CACNA1D: variants seen among roughly 807,000 people sequenced by gnomAD.
CACNA1D encodes the protein voltage-dependent L-type calcium channel subunit alpha-1D.
In CACNA1D, 55 loss-of-function variants were observed where a neutral mutation model predicts 257.1. That is an observed-to-expected ratio of 0.21 (90% CI 0.17 to 0.27). CACNA1D has a LOEUF of 0.27. Ranked by LOEUF, CACNA1D falls within the 10% of genes least tolerant of loss-of-function variation. The pLI is 1.00. For missense variants in CACNA1D, 1,876 were observed against 2,784.0 expected, an observed-to-expected ratio of 0.67 and a Z score of 7.34; for synonymous variants, 980 against 1,014.9, an observed-to-expected ratio of 0.97 and a Z score of 0.65.
chr3:53,765,067 T>C (rs993292941), intron 30 of CACNA1D, among the ~76,000 whole-genome samples: 2 of 152,220 alleles, frequency 1.3e-5, no homozygotes, highest in African/African-American at 4.8e-5. Flanking sequence ...ATTTATTCCA[T>C]CTTTCAACAC....
chr3:53,636,403 A>G (rs2093884612), intron 3 of CACNA1D, among the ~76,000 whole-genome samples: 1 of 152,184 alleles, frequency 6.6e-6, no homozygotes, highest in Admixed American at 6.5e-5. Context: ...TCCTGGGTTC[A>G]AACAATTCTC....
intron 9 of CACNA1D, chr3:53,710,454 C>T (rs965706092): frequency 6.6e-6 from 3 of 456,614 alleles, no homozygotes; most frequent in Admixed American, 2.3e-5. Context: ...TTGCTGCTTT[C>T]GGCAACGCAG....
chr3:53,749,057 G>T (rs958722305), intron 26 of CACNA1D: 2 of 693,350 alleles, frequency 2.9e-6, no homozygotes, highest in African/African-American at 3.5e-5. Context: ...GTCCCTCGAT[G>T]ATGATATCCT....
intron 3 of CACNA1D, among the ~76,000 whole-genome samples, chr3:53,560,527 C>T (rs1367880104): frequency 2.0e-5 from 3 of 152,102 alleles, no homozygotes; most frequent in Non-Finnish European, 2.9e-5. Flanking sequence ...CTTAAATTTT[C>T]CTTACTTTAA....
intron 7 of CACNA1D, among the ~76,000 whole-genome samples, chr3:53,667,823 GTGTGTGTGTGTGTATGCA>G (rs1240679211): frequency 6.1e-5 from 9 of 147,074 alleles, no homozygotes; most frequent in Non-Finnish European, 1.4e-4. Flanking sequence ...GAGTGTGAGT[GTGTGTGTGTGTGTATGCA>G]TGTGTGTGTG....
At chr3:53,809,917 A>G in intron 46 of CACNA1D, 61 bp from the exon 47 acceptor site, 1 of 1,514,028 alleles carries the variant, frequency 6.6e-7, no homozygotes, top group Non-Finnish European at 9.2e-7. Flanking sequence ...CTGTGCGCAG[A>G]AGGTTTGAGG....
At chr3:53,743,960 C>G (rs1342191801) in intron 22 of CACNA1D, among the ~76,000 whole-genome samples, 1 of 152,162 alleles carries the variant, frequency 6.6e-6, no homozygotes, top group Non-Finnish European at 1.5e-5. Flanking sequence ...GCTTGGAAGG[C>G]CATTTGCATT....
chr3:53,777,870 T>G (rs1368822398), intron 37 of CACNA1D, among the ~76,000 whole-genome samples: 1 of 152,132 alleles, frequency 6.6e-6, no homozygotes, highest in Non-Finnish European at 1.5e-5. Flanking sequence ...CAAAAAAGAT[T>G]TTCCTTTTTC....
At chr3:53,629,854 A>G (rs1432468361) in intron 3 of CACNA1D, among the ~76,000 whole-genome samples, 2 of 152,214 alleles carry the variant, frequency 1.3e-5, no homozygotes, top group Admixed American at 6.5e-5. Context: ...CATAAGGACA[A>G]TGTGATATTT....
chr3:53,555,889 T>C (rs556618752), intron 3 of CACNA1D, among the ~76,000 whole-genome samples: 21 of 152,326 alleles, frequency 1.4e-4, no homozygotes, highest in Admixed American at 1.0e-3. Flanking sequence ...CTGTGAGCTT[T>C]AACATATAAA....
chr3:53,569,744 G>A (rs1275213312), intron 3 of CACNA1D, among the ~76,000 whole-genome samples: 11 of 152,204 alleles, frequency 7.2e-5, no homozygotes, highest in Non-Finnish European at 2.9e-5. Context: ...TTGATTTGGG[G>A]AGGCTATTTG....
intron 19 of CACNA1D, among the ~76,000 whole-genome samples, chr3:53,734,699 C>T (rs1050938499): frequency 1.3e-5 from 2 of 152,034 alleles, no homozygotes; most frequent in African/African-American, 2.4e-5. Context: ...ACTCTCATGC[C>T]GGGCCATGAG....
chr3:53,523,588 G>A (rs932717571), intron 3 of CACNA1D, among the ~76,000 whole-genome samples: 1 of 152,224 alleles, frequency 6.6e-6, no homozygotes, highest in Non-Finnish European at 1.5e-5. Context: ...ATTTACACAA[G>A]GACAGGTACT....
intron 3 of CACNA1D, among the ~76,000 whole-genome samples, chr3:53,526,911 T>C (rs534947713): frequency 6.3e-4 from 96 of 152,318 alleles, no homozygotes; most frequent in African/African-American, 2.3e-3. Context: ...CCAGATAAGC[T>C]CTTTAAAGTT....
At position 53,735,519 on chromosome 3, in the gene CACNA1D, G is replaced by A; in HGVS notation, c.2751+16G>A. On this transcript the variant is annotated intron_variant, in intron 20 of 47. Transcript: ENST00000350061. ...CCGGAACACGGTAAGTCCCCAGGGT[G>A]GGGCTCGCTCTGGGATAGCCCTGGC... The A allele has an allele frequency of 6.2e-7, 1 of 1,613,550 alleles. No homozygotes were observed. The highest frequency in any genetic ancestry group is 1.1e-5 in the South Asian group (1 of 91,086).
At position 53,651,366 on chromosome 3, in the gene CACNA1D, C is replaced by CTTTTTTTTTT. The variant is rs779207160; in HGVS notation, c.623+461_623+470dup. ...TCCCTTGAGCAAAGCTATTAATTTT[C>CTTTTTTTTTT]TTTTTTTTTTTTTTTTTTTTTTGCT... On this transcript the variant is annotated intron_variant, in intron 4 of 47. Transcript: ENST00000350061. 6.4e-3 allele frequency among the ~76,000 whole-genome samples: 523 copies of CTTTTTTTTTT among 81,814 alleles called. 79 individuals are homozygous for CTTTTTTTTTT. Among genetic ancestry groups the CTTTTTTTTTT allele is most frequent in the African/African-American group, 0.014 (307 of 22,518 alleles). 53.7% of individuals were successfully genotyped at this position (81,814 alleles called of 152,430 possible).
At chr3:53,737,621 A>G (rs1032486497) in intron 20 of CACNA1D, among the ~76,000 whole-genome samples, 2 of 152,044 alleles carry the variant, frequency 1.3e-5, no homozygotes, top group Admixed American at 6.5e-5. Context: ...TCAGGAGTTC[A>G]AGACCTGCCT....
intron 40 of CACNA1D, among the ~76,000 whole-genome samples, chr3:53,790,549 G>T (rs1038963534): frequency 3.3e-5 from 5 of 152,346 alleles, no homozygotes; most frequent in Middle Eastern, 3.4e-3. Flanking sequence ...TGCCTGTTTG[G>T]AAGTTTGGTT....
intron 39 of CACNA1D, chr3:53,782,264 G>GTGTGTGTGTATA (rs6147823): frequency 1.5e-4 from 11 of 75,446 alleles, no homozygotes; most frequent in African/African-American, 3.2e-4. Flanking sequence ...GTGTGTGTGT[G>GTGTGTGTGTATA]TATATATATA....
Sources: gnomAD v4.1 joint callset for allele counts (sites outside exome capture counted in the v4.1 genomes callset) on GRCh38, gnomAD v4.1.1 for gene constraint, MANE v1.5 for transcripts, NCBI Gene and HGNC (gene_info 2026-07-23, HGNC 2026-07-21) for gene names.